ISM1: variants seen among roughly 807,000 people sequenced by gnomAD.
ISM1 encodes isthmin 1.
Under a neutral mutation model 46.3 loss-of-function variants are expected in ISM1, and 25 were observed. The ratio of observed to expected loss-of-function variants is 0.54; its 90% CI spans 0.39 to 0.75. The LOEUF (loss-of-function observed/expected upper bound fraction) is 0.75. Ranked by LOEUF, ISM1 falls within the 30% of genes least tolerant of loss-of-function variation. The pLI, the probability that ISM1 is intolerant of heterozygous loss-of-function variation, is 0.00. For synonymous variants in ISM1, 255 were observed against 256.7 expected (o/e 0.99, Z 0.06); for missense variants, 536 against 625.4 (o/e 0.86, Z 1.52).
downstream of ISM1, among the ~76,000 whole-genome samples, chr20:13,305,472 C>T (rs370446363): frequency 4.4e-4 from 67 of 152,148 alleles, no homozygotes; most frequent in East Asian, 8.5e-3. Flanking sequence ...TGTTGTGGGG[C>T]GGGGATTAGG....
intron 3 of ISM1, among the ~76,000 whole-genome samples, chr20:13,280,372 G>A (rs1388560199): frequency 7.4e-6 from 1 of 134,582 alleles, no homozygotes; most frequent in Non-Finnish European, 1.6e-5. Flanking sequence ...GAACGTGTGT[G>A]TCTCAGGTCT....
intron 1 of ISM1, among the ~76,000 whole-genome samples, chr20:13,268,125 T>C (rs1417433616): frequency 8.4e-6 from 1 of 119,640 alleles, no homozygotes; most frequent in African/African-American, 3.3e-5. Flanking sequence ...TCTTCTCTTC[T>C]CTTCTCTTCT....
In ISM1 at chr20:13,276,300, G is replaced by T. The variant is rs143847507; in HGVS notation, c.379-3334G>T. 8.5e-3 allele frequency among the ~76,000 whole-genome samples: 1,300 copies of T among 152,272 alleles called. 12 individuals are homozygous for T. The highest frequency in any genetic ancestry group is 0.029 in the African/African-American group (1,222 of 41,550). ...GGCCTCTGTATTCTCAGTGGCGTTG[G>T]TTTATTATCACCTAGACTGAGAATG... On this transcript the variant is annotated intron_variant, in intron 2 of 5. Coordinates refer to ENST00000262487, the MANE Select transcript of ISM1 (RefSeq NM_080826.2).
downstream of ISM1, among the ~76,000 whole-genome samples, chr20:13,304,784 G>A (rs1010504983): frequency 2.6e-5 from 4 of 152,222 alleles, no homozygotes; most frequent in African/African-American, 7.2e-5. Context: ...ACCAGTCCAC[G>A]AGCTCCCAGT....
chr20:13,227,331 G>A (rs1258187513), intron 1 of ISM1, among the ~76,000 whole-genome samples: 1 of 151,390 alleles, frequency 6.6e-6, no homozygotes, highest in Non-Finnish European at 1.5e-5. Flanking sequence ...AGCCTCCCGA[G>A]TAGCTGGGAC....
chr20:13,311,280 G>GATAT, the ISM1 span, among the ~76,000 whole-genome samples: 2 of 151,616 alleles, frequency 1.3e-5, no homozygotes, highest in African/African-American at 2.4e-5. Context: ...TAGATAGATA[G>GATAT]ATAATAAAAT....
In ISM1 at chr20:13,228,933, G is replaced by C. The variant is rs911433620; in HGVS notation, c.138+7019G>C. On this transcript the variant is annotated intron_variant, in intron 1 of 5. Coordinates refer to ENST00000262487, the MANE Select transcript of ISM1 (RefSeq NM_080826.2). ...TTTAGGAAATATTTCATAACTGAAC[G>C]CTCATAGTAAATATCAGATGCAAAT... Among the ~76,000 whole-genome samples the C allele has an allele frequency of 4.6e-5, 7 of 152,158 alleles. No individual in the cohort carries two copies. In the East Asian group the frequency reaches 5.8e-4, roughly 13 times the overall value.
chr20:13,294,724 G>A (rs186299823), intron 5 of ISM1, among the ~76,000 whole-genome samples: 243 of 152,308 alleles, frequency 1.6e-3, no homozygotes, highest in African/African-American at 5.3e-3. Flanking sequence ...TCAGAGAGGA[G>A]GCCACAGCCA....
At chr20:13,321,464 C>T in the ISM1 span, among the ~76,000 whole-genome samples, 1 of 152,052 alleles carries the variant, frequency 6.6e-6, no homozygotes, top group African/African-American at 2.4e-5. Context: ...AGGGGAGAAA[C>T]GCTCTAGGAC....
chr20:13,247,230 C>G (rs1323749979), intron 1 of ISM1, among the ~76,000 whole-genome samples: 1 of 151,644 alleles, frequency 6.6e-6, no homozygotes, highest in Middle Eastern at 3.2e-3. Context: ...GAATCTCCGT[C>G]TCAAAAAAAA....
chr20:13,298,958 G>A lies in ISM1; in HGVS notation c.894G>A (p.Glu298=). The A allele has an allele frequency of 1.2e-6, 2 of 1,613,530 alleles. No individual in the cohort carries two copies. Among genetic ancestry groups the A allele is most frequent in the Non-Finnish European group, 8.5e-7 (1 of 1,179,734 alleles). The change falls in exon 6 of 6, where the codon GAG becomes GAA. Residue 298 remains glutamate, a synonymous_variant. Transcript: ENST00000262487. The stretch of plus-strand genomic sequence containing the variant: ...CTTTTCCAGACACAGACAGCTGTGA[G>A]CGCTGGATGAGCTGCAAAAGCGAGT... The part of the protein sequence containing the change: ...KLFEVDTDSC[E]RWMSCKSEFL...
At chr20:13,304,170 C>G (rs571699777), downstream of ISM1, among the ~76,000 whole-genome samples, 5 of 152,308 alleles carry the variant, frequency 3.3e-5, no homozygotes, top group African/African-American at 9.6e-5. Context: ...CTTCCAGTCA[C>G]TCTCCTCAGC....
At position 13,239,389 on chromosome 20, in the gene ISM1, G is replaced by C. The variant is rs2039690801; in HGVS notation, c.138+17475G>C. 2.6e-5 allele frequency: 4 copies of C among 152,318 alleles called. No individual in the cohort carries two copies. In the South Asian group the frequency reaches 6.2e-4, roughly 24 times the overall value. 9.4% of individuals were successfully genotyped at this position (152,318 alleles called of 1,614,324 possible). A position where few individuals can be genotyped will look rare whatever the true frequency, so the allele number is the denominator to read the frequency against. On this transcript the variant is annotated intron_variant, in intron 1 of 5. Coordinates refer to ENST00000262487, the MANE Select transcript of ISM1 (RefSeq NM_080826.2). ...CCAATAATGGGCATGAATGGCCTTG[G>C]CCTTAAGTTTTCAGGGATCCATCTG...
At chr20:13,287,746 T>G (rs1442376748) in intron 3 of ISM1, among the ~76,000 whole-genome samples, 1 of 152,228 alleles carries the variant, frequency 6.6e-6, no homozygotes. Context: ...ACTGGATGGA[T>G]GTTGAATAAT....
chr20:13,305,304 T>G (rs928092726), downstream of ISM1, among the ~76,000 whole-genome samples: 1 of 152,124 alleles, frequency 6.6e-6, no homozygotes, highest in African/African-American at 2.4e-5. Flanking sequence ...TTCCATAATT[T>G]TAGAATTAAT....
chr20:13,270,923 T>C (rs2040107530), intron 2 of ISM1, among the ~76,000 whole-genome samples, 180 bp downstream of exon 2: 1 of 152,196 alleles, frequency 6.6e-6, no homozygotes, highest in African/African-American at 2.4e-5. Context: ...ACACCCTTGA[T>C]TGTGAGATGC....
At chr20:13,248,285 C>T (rs1307106192) in intron 1 of ISM1, among the ~76,000 whole-genome samples, 1 of 152,188 alleles carries the variant, frequency 6.6e-6, no homozygotes, top group Non-Finnish European at 1.5e-5. Flanking sequence ...TATCCAGCAG[C>T]AGGTGAGTAT....
intron 1 of ISM1, among the ~76,000 whole-genome samples, chr20:13,242,311 C>G (rs969661057): frequency 1.2e-4 from 19 of 152,100 alleles, no homozygotes; most frequent in African/African-American, 4.3e-4. Flanking sequence ...ACCAGAAACT[C>G]CACAGAGCAG....
chr20:13,260,744 GAATA>G (rs752557513), intron 1 of ISM1, among the ~76,000 whole-genome samples: 1 of 152,108 alleles, frequency 6.6e-6, no homozygotes, highest in Non-Finnish European at 1.5e-5. Flanking sequence ...TCATTTCACA[GAATA>G]AATAACCAAG....
Sources: gnomAD v4.1 joint callset for allele counts (sites outside exome capture counted in the v4.1 genomes callset) on GRCh38, gnomAD v4.1.1 for gene constraint, MANE v1.5 for transcripts, NCBI Gene and HGNC (gene_info 2026-07-23, HGNC 2026-07-21) for gene names.